COMMD10: variants seen among roughly 807,000 people sequenced by gnomAD.
COMMD10 encodes the protein COMM domain-containing protein 10.
A neutral mutation model predicts 28.9 loss-of-function variants in COMMD10; 33 were observed. That is an observed-to-expected ratio of 1.14 (90% CI 0.87 to 1.53). The LOEUF (loss-of-function observed/expected upper bound fraction) is 1.53. Ranked by LOEUF, COMMD10 falls within the 40% of genes most tolerant of loss-of-function variation. COMMD10 has a pLI of 0.00. For missense variants in COMMD10, 310 were observed against 233.4 expected (o/e 1.33, Z -2.14); for synonymous variants, 110 against 81.7 (o/e 1.35, Z -1.87).
chr5:116,172,812 T>G (rs1266215138), intron 5 of COMMD10, among the ~76,000 whole-genome samples: 1 of 152,170 alleles, frequency 6.6e-6, no homozygotes, highest in African/African-American at 2.4e-5. Context: ...AGTAAGATTT[T>G]GGAGCTTGAA....
intron 5 of COMMD10, among the ~76,000 whole-genome samples, chr5:116,167,527 C>T (rs1334154029): frequency 6.6e-6 from 1 of 152,004 alleles, no homozygotes; most frequent in East Asian, 1.9e-4. Flanking sequence ...AAGAGCAACC[C>T]CAAGACACAT....
At chr5:116,101,476 G>T (rs1432112328) in intron 4 of COMMD10, among the ~76,000 whole-genome samples, 1 of 151,694 alleles carries the variant, frequency 6.6e-6, no homozygotes, top group Non-Finnish European at 1.5e-5. Context: ...ACCCAGGCTG[G>T]ATTGCAATGG....
chr5:116,276,035 G>GT (rs548542751), intron 5 of COMMD10, among the ~76,000 whole-genome samples: 5 of 150,912 alleles, frequency 3.3e-5, no homozygotes, highest in South Asian at 2.1e-4. Context: ...TAAAATGATC[G>GT]TAAGTACTAA....
intron 5 of COMMD10, among the ~76,000 whole-genome samples, chr5:116,220,162 GATA>G (rs1450166465): frequency 6.6e-6 from 1 of 152,132 alleles, no homozygotes; most frequent in Non-Finnish European, 1.5e-5. Context: ...TGTTTTTTAA[GATA>G]ATAAGACATA....
At chr5:116,160,472 G>A (rs1026073500) in intron 5 of COMMD10, among the ~76,000 whole-genome samples, 2 of 152,124 alleles carry the variant, frequency 1.3e-5, no homozygotes, top group Admixed American at 6.6e-5. Flanking sequence ...AAATGTGATT[G>A]ATAAAGCTAG....
chr5:116,092,097 C>T (rs1258754588), intron 3 of COMMD10, among the ~76,000 whole-genome samples: 1 of 152,010 alleles, frequency 6.6e-6, no homozygotes, highest in African/African-American at 2.4e-5. Flanking sequence ...TTTTTTACAA[C>T]TTTTAATCAT....
chr5:116,127,225 G>C (rs576660144), intron 4 of COMMD10, among the ~76,000 whole-genome samples: 1 of 152,184 alleles, frequency 6.6e-6, no homozygotes, highest in East Asian at 1.9e-4. Context: ...ACCACAATGA[G>C]ATACCACCTC....
At position 116,151,693 on chromosome 5, in the gene COMMD10, C is replaced by T. The variant is rs184058508; in HGVS notation, c.510+17515C>T. 8.1e-3 allele frequency among the ~76,000 whole-genome samples: 1,231 copies of T among 152,190 alleles called. 16 individuals carry two copies. Among genetic ancestry groups the T allele is most frequent in the African/African-American group, 0.027 (1,111 of 41,534 alleles). On this transcript the variant is annotated intron_variant, in intron 5 of 6. Transcript: ENST00000274458. ...ATGGTACTTTGTATTTCTGTGGGAT[C>T]GGTGGTGATATCCCCTTTATCATTT... is the stretch of plus-strand genomic sequence containing the variant.
intron 5 of COMMD10, among the ~76,000 whole-genome samples, chr5:116,274,927 C>G (rs936333110): frequency 4.6e-5 from 7 of 151,730 alleles, no homozygotes; most frequent in African/African-American, 1.2e-4. Flanking sequence ...AGCCCAGATT[C>G]CTAATTTAAA....
chr5:116,175,784 TGTG>T (rs1337120933), intron 5 of COMMD10, among the ~76,000 whole-genome samples: 5 of 152,094 alleles, frequency 3.3e-5, no homozygotes, highest in African/African-American at 1.2e-4. Flanking sequence ...AAAGGACAAA[TGTG>T]GTATGATTTT....
At chr5:116,170,649 T>A (rs1379773624) in intron 5 of COMMD10, among the ~76,000 whole-genome samples, 1 of 152,024 alleles carries the variant, frequency 6.6e-6, no homozygotes, top group Non-Finnish European at 1.5e-5. Context: ...TATATACCAG[T>A]GGAACAGAAC....
chr5:116,263,987 G>A (rs1045113979), intron 5 of COMMD10, among the ~76,000 whole-genome samples: 1 of 151,698 alleles, frequency 6.6e-6, no homozygotes, highest in Non-Finnish European at 1.5e-5. Flanking sequence ...TCTTTTCGTC[G>A]ACAGAGCAAA....
rs56198914 is a variant in COMMD10 at position 116,209,686 on chromosome 5, T to C, written c.510+75508T>C. On this transcript the variant is annotated intron_variant, in intron 5 of 6. Transcript: ENST00000274458. ...GGTTAGTAGCAAGGAATGAGTGTTA[T>C]CTGAAGTCATAGCGTGCTTGTTAAA... is the stretch of plus-strand genomic sequence containing the variant. Among the ~76,000 whole-genome samples, 642 of 152,276 alleles carry C rather than the reference T, an allele frequency of 4.2e-3. 6 individuals are homozygous for C. Among genetic ancestry groups the C allele is most frequent in the African/African-American group, 0.014 (587 of 41,538 alleles).
chr5:116,150,269 A>G (rs1752479575), intron 5 of COMMD10, among the ~76,000 whole-genome samples: 1 of 152,118 alleles, frequency 6.6e-6, no homozygotes, highest in African/African-American at 2.4e-5. Context: ...GCCTTGTAGT[A>G]TAGTTTGAAG....
intron 5 of COMMD10, among the ~76,000 whole-genome samples, chr5:116,256,409 T>C (rs1750287544): frequency 6.6e-6 from 1 of 151,782 alleles, no homozygotes; most frequent in Admixed American, 6.6e-5. Context: ...TTAACTATAA[T>C]AGACTGTAAC....
intron 5 of COMMD10, among the ~76,000 whole-genome samples, chr5:116,245,725 G>A (rs559203192): frequency 6.6e-6 from 1 of 152,118 alleles, no homozygotes; most frequent in South Asian, 2.1e-4. Flanking sequence ...CATAAGCAGA[G>A]CTAAAGACAA....
At chr5:116,093,705 C>T (rs1026806571) in intron 4 of COMMD10, among the ~76,000 whole-genome samples, 2 of 152,118 alleles carry the variant, frequency 1.3e-5, no homozygotes, top group Non-Finnish European at 2.9e-5. Flanking sequence ...CAAAAGAGAA[C>T]CCAAATAGCC....
At chr5:116,275,850 G>A (rs542062234) in intron 5 of COMMD10, among the ~76,000 whole-genome samples, 2 of 151,584 alleles carry the variant, frequency 1.3e-5, no homozygotes, top group East Asian at 3.9e-4. Flanking sequence ...ATATGTTAAT[G>A]AGCGTACAAG....
At chr5:116,197,475 G>A (rs557163454) in intron 5 of COMMD10, among the ~76,000 whole-genome samples, 28 of 152,060 alleles carry the variant, frequency 1.8e-4, no homozygotes, top group African/African-American at 6.5e-4. Flanking sequence ...TCTACCTCCT[G>A]GGCTCAAGTG....
Sources: allele counts gnomAD v4.1 joint callset (sites outside exome capture counted in the v4.1 genomes callset), GRCh38; gene constraint gnomAD v4.1.1; transcripts MANE v1.5; gene names NCBI Gene and HGNC (gene_info 2026-07-23, HGNC 2026-07-21).